AOAH: variants seen among roughly 807,000 people sequenced by gnomAD.
AOAH encodes acyloxyacyl hydrolase, also known as acyloxyacyl hydrolase (neutrophil).
Under a neutral mutation model 92.2 loss-of-function variants are expected in AOAH, and 64 were observed. The ratio of observed to expected loss-of-function variants is 0.69; its 90% CI spans 0.57 to 0.86. The LOEUF (loss-of-function observed/expected upper bound fraction) is 0.86, where lower values mean the gene tolerates loss of function less well. Among genes scored for constraint, AOAH ranks in the 40% least tolerant of loss-of-function variants. The pLI, the probability that AOAH is intolerant of heterozygous loss-of-function variation, is 0.00. For missense variants in AOAH, 656 were observed against 694.6 expected (o/e 0.94, Z 0.62); for synonymous variants, 263 against 254.5 (o/e 1.03, Z -0.32).
At chr7:36,690,219 A>AG in intron 1 of AOAH, 1 of 454,422 alleles carries the variant, frequency 2.2e-6, no homozygotes, top group Non-Finnish European at 4.4e-6. Context: ...AAAAGAAGCA[A>AG]AAAAAATTAT....
chr7:36,530,720 G>A, intron 18 of AOAH: 1 of 508,618 alleles, frequency 2.0e-6, no homozygotes, highest in Non-Finnish European at 3.5e-6. Flanking sequence ...TGTTCATTAG[G>A]AATCAAATCA....
chr7:36,694,404 A>C (rs1349314239), intron 1 of AOAH, among the ~76,000 whole-genome samples: 2 of 152,202 alleles, frequency 1.3e-5, no homozygotes, highest in Admixed American at 6.5e-5. Context: ...AGGCTGAGGC[A>C]GAAGAATAGC....
At chr7:36,588,921 C>T (rs1433276856) in intron 12 of AOAH, among the ~76,000 whole-genome samples, 1 of 152,188 alleles carries the variant, frequency 6.6e-6, no homozygotes, top group East Asian at 1.9e-4. Context: ...AAAATGTCAT[C>T]TGGTTTGCAC....
intron 19 of AOAH, among the ~76,000 whole-genome samples, chr7:36,522,826 G>C (rs909261117): frequency 1.3e-5 from 2 of 152,174 alleles, no homozygotes; most frequent in Non-Finnish European, 2.9e-5. Context: ...TCCCGGCAAA[G>C]CTACGCCCTC....
chr7:36,551,917 A>T (rs1786288835), intron 13 of AOAH, among the ~76,000 whole-genome samples: 1 of 152,020 alleles, frequency 6.6e-6, no homozygotes, highest in Non-Finnish European at 1.5e-5. Context: ...TTTAATTTCA[A>T]CTTTTACTTT....
Position 36,513,090 on chromosome 7 carries a change from G to T in AOAH, c.*162C>A. 6.3e-7 allele frequency: 1 copy of T among 1,580,214 alleles called. No homozygotes were observed. Among genetic ancestry groups the T allele is most frequent in the Non-Finnish European group, 8.6e-7 (1 of 1,169,224 alleles). ...CGGGAGCACACAGCATTGCACAGTC[G>T]TCCAGATATGCTCTTCATTGAGAGA... On this transcript the variant is annotated 3_prime_UTR_variant, in exon 21 of 21. Coordinates refer to ENST00000617537, the MANE Select transcript of AOAH (RefSeq NM_001637.4).
chr7:36,675,791 T>C (rs1796217431), intron 2 of AOAH, among the ~76,000 whole-genome samples: 2 of 152,134 alleles, frequency 1.3e-5, no homozygotes, highest in African/African-American at 4.8e-5. Context: ...TTATACACCA[T>C]GATCAGGTGG....
Position 36,724,359 on chromosome 7 carries a change from C to G in AOAH, c.-211G>C. ...AACACTCACAGACCCACAGCTTGCT[C>G]TTGTTGGACCCTGAGAGAGCCACAC... On this transcript the variant is annotated 5_prime_UTR_variant, in exon 1 of 21. Coordinates refer to ENST00000617537, the MANE Select transcript of AOAH (RefSeq NM_001637.4). The G allele has an allele frequency of 2.2e-6, 1 of 444,738 alleles. No homozygotes were observed. Among genetic ancestry groups the G allele is most frequent in the Non-Finnish European group, 4.1e-6 (1 of 243,700 alleles). The allele number at this position is 444,738 out of a possible 1,614,324, so 27.5% of individuals were successfully genotyped here.
At chr7:36,561,414 T>C (rs564407242) in intron 13 of AOAH, among the ~76,000 whole-genome samples, 3 of 152,292 alleles carry the variant, frequency 2.0e-5, no homozygotes, top group Non-Finnish European at 4.4e-5. Flanking sequence ...ATTTGAGGCC[T>C]ATTATCTCTA....
At chr7:36,621,130 C>T (rs902059125) in intron 8 of AOAH, among the ~76,000 whole-genome samples, 3 of 152,226 alleles carry the variant, frequency 2.0e-5, no homozygotes, top group African/African-American at 7.2e-5. Context: ...TGCCGATGAA[C>T]ATAATGAACA....
At chr7:36,699,819 T>C (rs1239343421) in intron 1 of AOAH, among the ~76,000 whole-genome samples, 1 of 152,088 alleles carries the variant, frequency 6.6e-6, no homozygotes, top group East Asian at 1.9e-4. Flanking sequence ...TTTGTCTAAT[T>C]TTCTTTTTGT....
At chr7:36,662,438 C>G (rs1173053406) in intron 3 of AOAH, among the ~76,000 whole-genome samples, 1 of 152,216 alleles carries the variant, frequency 6.6e-6, no homozygotes, top group Non-Finnish European at 1.5e-5. Context: ...GTGAAGCAGG[C>G]TGCTTGTTGC....
At chr7:36,718,646 G>T (rs1799414064) in intron 1 of AOAH, among the ~76,000 whole-genome samples, 1 of 152,166 alleles carries the variant, frequency 6.6e-6, no homozygotes, top group Non-Finnish European at 1.5e-5. Context: ...GTTGATACAT[G>T]CCACAACATG....
At chr7:36,523,629 G>GGTTT (rs759621905) in intron 19 of AOAH, among the ~76,000 whole-genome samples, 1 of 100,138 alleles carries the variant, frequency 1.0e-5, no homozygotes, top group Non-Finnish European at 1.8e-5. Context: ...TGTTTTGCCT[G>GGTTT]TTTTTTTTTT....
intron 9 of AOAH, among the ~76,000 whole-genome samples, chr7:36,619,818 G>C (rs1792153223): frequency 1.3e-5 from 2 of 152,168 alleles, no homozygotes; most frequent in African/African-American, 2.4e-5. Context: ...ACTCTTTAGA[G>C]GCAATTTAGA....
At chr7:36,701,702 C>A (rs1486542751) in intron 1 of AOAH, among the ~76,000 whole-genome samples, 1 of 151,740 alleles carries the variant, frequency 6.6e-6, no homozygotes, top group African/African-American at 2.4e-5. Context: ...TAAAAGTTAT[C>A]TCTAGCAGAC....
chr7:36,662,710 C>T (rs1192544614), intron 3 of AOAH, among the ~76,000 whole-genome samples: 1 of 152,178 alleles, frequency 6.6e-6, no homozygotes, highest in Non-Finnish European at 1.5e-5. Flanking sequence ...AAGACCCATT[C>T]TCTTTTTCCT....
At chr7:36,609,573 C>G (rs1423346544) in intron 11 of AOAH, among the ~76,000 whole-genome samples, 1 of 152,142 alleles carries the variant, frequency 6.6e-6, no homozygotes, top group Non-Finnish European at 1.5e-5. Context: ...GTACTCTTTC[C>G]TCTGCTAGGG....
chr7:36,696,493 T>C (rs1797716736), intron 1 of AOAH, among the ~76,000 whole-genome samples: 1 of 152,204 alleles, frequency 6.6e-6, no homozygotes, highest in South Asian at 2.1e-4. Flanking sequence ...GTTAAACTTA[T>C]TCCTAAGTAT....
Sources: gnomAD v4.1 joint callset for allele counts (sites outside exome capture counted in the v4.1 genomes callset) on GRCh38, gnomAD v4.1.1 for gene constraint, MANE v1.5 for transcripts, NCBI Gene and HGNC (gene_info 2026-07-23, HGNC 2026-07-21) for gene names.